The following ZFHX3 variants were observed in gnomAD, a reference collection of about 807,000 sequenced individuals.
ZFHX3 encodes the protein zinc finger homeobox 3, also known as zinc finger homeobox protein 3.
Under a neutral mutation model 279.1 loss-of-function variants are expected in ZFHX3, and 42 were observed. That is an observed-to-expected ratio of 0.15 (90% CI 0.12 to 0.19). The LOEUF (loss-of-function observed/expected upper bound fraction) is 0.19. ZFHX3 is among the 10% of genes least tolerant of loss of function. The pLI, the probability that ZFHX3 is intolerant of heterozygous loss-of-function variation, is 1.00. For missense variants in ZFHX3, 4,981 were observed against 4,754.0 expected, an observed-to-expected ratio of 1.05 and a Z score of -1.40; for synonymous variants, 2,293 against 1,957.8, an observed-to-expected ratio of 1.17 and a Z score of -4.52.
At chr16:73,304,050 G>C (rs1349286270) in intron 4 of ZFHX3, among the ~76,000 whole-genome samples, 1 of 150,386 alleles carries the variant, frequency 6.6e-6, no homozygotes, top group African/African-American at 2.5e-5. Context: ...CTCTACCCTT[G>C]GTCCTGCATA....
intron 2 of ZFHX3, among the ~76,000 whole-genome samples, chr16:73,498,464 G>T (rs543634823): frequency 6.6e-6 from 1 of 152,316 alleles, no homozygotes; most frequent in Non-Finnish European, 1.5e-5. Context: ...ACACATCAAT[G>T]AAAAATGTCA....
chr16:73,310,198 C>A (rs912722848), intron 4 of ZFHX3, among the ~76,000 whole-genome samples: 1 of 151,998 alleles, frequency 6.6e-6, no homozygotes, highest in African/African-American at 2.4e-5. Context: ...TGAGCCACTG[C>A]ACCCGGTCTG....
intron 4 of ZFHX3, among the ~76,000 whole-genome samples, chr16:73,299,624 G>A (rs79178767): frequency 1.3e-5 from 2 of 152,328 alleles, no homozygotes; most frequent in East Asian, 1.9e-4. Flanking sequence ...TGCTGCAGAC[G>A]AAGAGGAAAA....
chr16:72,909,752 C>T (rs1244440680), intron 3 of ZFHX3, among the ~76,000 whole-genome samples: 3 of 151,798 alleles, frequency 2.0e-5, no homozygotes, highest in Non-Finnish European at 2.9e-5. Context: ...GTGGCGTGCA[C>T]CTGCAGTCCC....
intron 2 of ZFHX3, among the ~76,000 whole-genome samples, chr16:73,483,993 A>T (rs1466732285): frequency 6.6e-6 from 1 of 150,516 alleles, no homozygotes; most frequent in African/African-American, 2.5e-5. Context: ...TTTAGTAATA[A>T]GAAAACAGTC....
intron 3 of ZFHX3, among the ~76,000 whole-genome samples, chr16:72,900,520 A>T (rs138344627): frequency 2.6e-5 from 4 of 152,238 alleles, no homozygotes; most frequent in African/African-American, 9.6e-5. Flanking sequence ...ACATGTGAAG[A>T]ACTACCCAAA....
At chr16:73,367,474 C>T (rs2016549332) in intron 3 of ZFHX3, among the ~76,000 whole-genome samples, 1 of 152,190 alleles carries the variant, frequency 6.6e-6, no homozygotes, top group African/African-American at 2.4e-5. Context: ...TGTGTTCAAG[C>T]TGGCCCACAG....
chr16:73,106,779 C>T (rs1379423492), intron 7 of ZFHX3, among the ~76,000 whole-genome samples: 2 of 152,178 alleles, frequency 1.3e-5, no homozygotes, highest in African/African-American at 4.8e-5. Flanking sequence ...TATCAATTGA[C>T]AATAATGATG....
At chr16:73,031,620 G>C (rs1459912036) in intron 1 of ZFHX3, among the ~76,000 whole-genome samples, 3 of 152,164 alleles carry the variant, frequency 2.0e-5, no homozygotes, top group Non-Finnish European at 4.4e-5. Flanking sequence ...ACTCACTAAT[G>C]ACTAAGGCAC....
chr16:73,151,270 G>C (rs942259182), intron 5 of ZFHX3, among the ~76,000 whole-genome samples: 1 of 152,026 alleles, frequency 6.6e-6, no homozygotes, highest in African/African-American at 2.4e-5. Flanking sequence ...AAAATAAAAC[G>C]TACAACACAA....
rs117907443 is a variant in ZFHX3 at position 73,612,444 on chromosome 16, G to T, written c.-1547+67736C>A. Among the ~76,000 whole-genome samples, 1,071 of 152,304 alleles carry T rather than the reference G, an allele frequency of 7.0e-3. 10 individuals carry two copies. Among genetic ancestry groups the T allele is most frequent in the Admixed American group, 0.012 (178 of 15,302 alleles). ...AATAGGAAAATTATGCATTAAAACAGAATGGGGTTCCTAGAATGTTTTAAG... is the reference window on the plus strand; with the variant it reads ...AATAGGAAAATTATGCATTAAAACATAATGGGGTTCCTAGAATGTTTTAAG... On this transcript the variant is annotated intron_variant, in intron 2 of 17. Transcript: ENST00000641206.
intron 1 of ZFHX3, among the ~76,000 whole-genome samples, chr16:73,045,676 T>TATTATTA (rs1298928932): frequency 1.3e-4 from 18 of 137,568 alleles, no homozygotes; most frequent in Non-Finnish European, 2.6e-4. Context: ...TTATTATTAT[T>TATTATTA]ATTATTATTG....
intron 1 of ZFHX3, among the ~76,000 whole-genome samples, chr16:72,991,401 G>A (rs1201039153): frequency 6.6e-6 from 1 of 152,172 alleles, no homozygotes; most frequent in African/African-American, 2.4e-5. Context: ...CTGCTGTCGT[G>A]GCTAGGAGTA....
At position 72,882,335 on chromosome 16, in the gene ZFHX3, A is replaced by T. The variant is rs774701109; in HGVS notation, c.3448+7396T>A. ...GAGCCCTTGACCAAGAACAACACTA[A>T]CCAGAAGGGCAGTGTACAGCTGGTG... On this transcript the variant is annotated intron_variant, in intron 4 of 9. Transcript: ENST00000268489. Among the ~76,000 whole-genome samples, 5 of 152,100 alleles carry T rather than the reference A, an allele frequency of 3.3e-5. No homozygotes were observed. The South Asian group carries it at 1.0e-3, about 32-fold the overall frequency.
At chr16:73,437,851 C>T (rs11649534) in intron 3 of ZFHX3, among the ~76,000 whole-genome samples, 15,988 of 152,166 alleles carry the variant, frequency 0.11, 1,152 homozygotes, top group East Asian at 0.23. Flanking sequence ...TGCATGAATG[C>T]GTTTTAAGTT....
At chr16:73,480,918 C>T (rs779711360) in intron 2 of ZFHX3, among the ~76,000 whole-genome samples, 12 of 152,266 alleles carry the variant, frequency 7.9e-5, no homozygotes, top group Non-Finnish European at 1.8e-4. Context: ...CATTAATCAC[C>T]CAACAGAATG....
At chr16:73,279,502 T>C (rs528004476) in intron 4 of ZFHX3, among the ~76,000 whole-genome samples, 1 of 152,242 alleles carries the variant, frequency 6.6e-6, no homozygotes, top group South Asian at 2.1e-4. Context: ...ACAAAGGTAA[T>C]GAGGAACCCA....
chr16:73,014,303 T>A lies in ZFHX3; in HGVS notation c.-50+33449A>T, dbSNP rs1733939235. 4 of 45,266 alleles carry A rather than the reference T, an allele frequency of 8.8e-5. No individual in the cohort carries two copies. In the South Asian group the frequency reaches 2.1e-3, roughly 24 times the overall value. The allele number at this position is 45,266 out of a possible 1,614,324, so 2.8% of individuals were successfully genotyped here. The stretch of plus-strand genomic sequence containing the variant: ...GGCAATCAGTTTGCGGTTTTTTGCA[T>A]TTTTTTTTTTTTTTGGAAAAATGAA... On this transcript the variant is annotated intron_variant, in intron 1 of 9. Coordinates refer to ENST00000268489, the MANE Select transcript of ZFHX3 (RefSeq NM_006885.4).
At chr16:72,849,944 G>A (rs958275541) in intron 4 of ZFHX3, among the ~76,000 whole-genome samples, 1 of 141,628 alleles carries the variant, frequency 7.1e-6, no homozygotes, top group Non-Finnish European at 1.5e-5. Flanking sequence ...TCACCTTTCC[G>A]TGTTCCAGTG....
Sources: allele counts gnomAD v4.1 joint callset (sites outside exome capture counted in the v4.1 genomes callset), GRCh38; gene constraint gnomAD v4.1.1; transcripts MANE v1.5; gene names NCBI Gene and HGNC (gene_info 2026-07-23, HGNC 2026-07-21).